LINGO2: variants seen among roughly 807,000 people sequenced by gnomAD.
LINGO2 encodes leucine-rich repeat and immunoglobulin-like domain-containing nogo receptor-interacting protein 2.
A neutral mutation model predicts 30.6 loss-of-function variants in LINGO2; 14 were observed. That is an observed-to-expected ratio of 0.46 (90% CI 0.30 to 0.72). The LOEUF (loss-of-function observed/expected upper bound fraction) is 0.72, where lower values mean the gene tolerates loss of function less well. Among genes scored for constraint, LINGO2 ranks in the 30% least tolerant of loss-of-function variants. The probability of loss-of-function intolerance (pLI) is 0.07; values close to 1 mark genes in which losing one functional copy is unlikely to be tolerated. For missense variants in LINGO2, 729 were observed against 751.7 expected (o/e 0.97, Z 0.35); for synonymous variants, 317 against 288.5 (o/e 1.10, Z -1.00).
At chr9:28,093,114 C>G (rs1166803034) in intron 4 of LINGO2, among the ~76,000 whole-genome samples, 1 of 152,028 alleles carries the variant, frequency 6.6e-6, no homozygotes, top group African/African-American at 2.4e-5. Context: ...GTGCTAATTA[C>G]CCTGGGTGCA....
intron 1 of LINGO2, among the ~76,000 whole-genome samples, chr9:28,577,252 T>C (rs1418022223): frequency 6.6e-6 from 1 of 152,164 alleles, no homozygotes; most frequent in African/African-American, 2.4e-5. Flanking sequence ...GTCACTCCTT[T>C]AAGTAACATC....
chr9:28,948,387 G>A, the LINGO2 span, among the ~76,000 whole-genome samples: 2 of 151,858 alleles, frequency 1.3e-5, no homozygotes, highest in African/African-American at 4.8e-5. Flanking sequence ...ATATTACTCT[G>A]TACCTATATA....
chr9:28,087,243 G>A (rs988674242), intron 4 of LINGO2, among the ~76,000 whole-genome samples: 4 of 152,018 alleles, frequency 2.6e-5, no homozygotes, highest in African/African-American at 9.7e-5. Context: ...CTAGATTGTT[G>A]GAAGTGCCCA....
At chr9:28,082,356 A>G (rs1825795243) in intron 4 of LINGO2, among the ~76,000 whole-genome samples, 1 of 152,134 alleles carries the variant, frequency 6.6e-6, no homozygotes, top group Non-Finnish European at 1.5e-5. Context: ...AAAATTTTCA[A>G]CATGATTACA....
At chr9:28,864,386 A>C in the LINGO2 span, among the ~76,000 whole-genome samples, 2 of 152,150 alleles carry the variant, frequency 1.3e-5, no homozygotes, top group East Asian at 3.8e-4. Flanking sequence ...TTCAACTCTG[A>C]AAGAAAACCA....
Position 28,130,106 on chromosome 9 carries a change from T to G in LINGO2, c.-86-117701A>C, listed in dbSNP as rs1458708350. On this transcript the variant is annotated intron_variant, in intron 4 of 5. Transcript: ENST00000379992. This position sits in a 1 kb window ranked among gnomAD's most constrained non-coding sequence, Gnocchi z 5.2. ...TTCAGGTAAACTCTTGGGGATTTTG[T>G]CAATTCTGACATTGATTCCCATGTG... Among the ~76,000 whole-genome samples, 2 of 152,254 alleles carry G rather than the reference T, an allele frequency of 1.3e-5. No individual in the cohort carries two copies. Among genetic ancestry groups the G allele is most frequent in the Admixed American group, 1.3e-4 (2 of 15,288 alleles).
At chr9:28,474,710 G>A (rs1299796294) in intron 2 of LINGO2, among the ~76,000 whole-genome samples, 1 of 152,182 alleles carries the variant, frequency 6.6e-6, no homozygotes, top group African/African-American at 2.4e-5. Context: ...TGGACTAGGA[G>A]ATGGAAAATC....
rs114569230 is a variant in LINGO2, at chr9:28,162,150, T to C, written c.-87+133058A>G. 4.6e-3 allele frequency among the ~76,000 whole-genome samples: 693 copies of C among 152,100 alleles called. 5 individuals carry two copies. The highest frequency in any genetic ancestry group is 0.016 in the African/African-American group (659 of 41,522). ...GCAAATGCCAGAAACCAGTACCAAA[T>C]TAGGCAGAAAGAAACTTATGAGAAA... On this transcript the variant is annotated intron_variant, in intron 4 of 5. Transcript: ENST00000379992.
chr9:28,085,872 G>A (rs1478633970), intron 4 of LINGO2, among the ~76,000 whole-genome samples: 2 of 152,064 alleles, frequency 1.3e-5, no homozygotes, highest in East Asian at 1.9e-4. Context: ...ACTTGAATTC[G>A]TGAGTGTCTA....
rs543651831 is a variant in LINGO2, at chr9:28,632,856, TTATATATA to T, written c.-365+37336_-365+37343del. Among the ~76,000 whole-genome samples, 3 of 93,652 alleles carry T rather than the reference TTATATATA, an allele frequency of 3.2e-5. 1 individual carries two copies. Among genetic ancestry groups the T allele is most frequent in the Non-Finnish European group, 5.9e-5 (3 of 50,860 alleles). The allele number at this position is 93,652 out of a possible 152,430, so 61.4% of individuals were successfully genotyped here. ...ATATATATAAATCTATATATATTTT[TTATATATA>T]TATATATATATATATGTAGAGAGAG... On this transcript the variant is annotated intron_variant, in intron 1 of 5. Coordinates refer to ENST00000379992, the Ensembl canonical transcript of LINGO2.
At chr9:28,144,977 G>T (rs1459370563) in intron 4 of LINGO2, among the ~76,000 whole-genome samples, 1 of 152,158 alleles carries the variant, frequency 6.6e-6, no homozygotes, top group African/African-American at 2.4e-5. Flanking sequence ...TTAATACCCA[G>T]TATTAAATCC....
rs1401496171 is a variant in LINGO2, at chr9:28,048,986, T to C, written c.-86-36581A>G. 2.0e-5 allele frequency among the ~76,000 whole-genome samples: 3 copies of C among 151,102 alleles called. 1 individual carries two copies. The highest frequency in any genetic ancestry group is 7.3e-5 in the African/African-American group (3 of 40,922). On this transcript the variant is annotated intron_variant, in intron 4 of 5. Coordinates refer to ENST00000379992, the Ensembl canonical transcript of LINGO2. Reference sequence around the variant, plus strand: ...AAGGCAAAAAGTACTAATAGCAGTATTAGAATTATGATTAATTTTTAAATC... The same window carrying C: ...AAGGCAAAAAGTACTAATAGCAGTACTAGAATTATGATTAATTTTTAAATC...
At chr9:28,054,176 A>G (rs1824809507) in intron 4 of LINGO2, among the ~76,000 whole-genome samples, 1 of 152,114 alleles carries the variant, frequency 6.6e-6, no homozygotes, top group African/African-American at 2.4e-5. Flanking sequence ...TACATTTATT[A>G]TAAGGCATTA....
intron 1 of LINGO2, among the ~76,000 whole-genome samples, chr9:28,563,003 C>T (rs1433236963): frequency 6.6e-6 from 1 of 152,030 alleles, no homozygotes; most frequent in Non-Finnish European, 1.5e-5. Flanking sequence ...CATGCGACCA[C>T]GCCCTGCTAA....
At chr9:28,630,909 C>A (rs2135875102) in intron 1 of LINGO2, among the ~76,000 whole-genome samples, 1 of 151,534 alleles carries the variant, frequency 6.6e-6, no homozygotes, top group East Asian at 1.9e-4. Flanking sequence ...AAAAAGTAGC[C>A]CCATGGAGAG....
the LINGO2 span, among the ~76,000 whole-genome samples, chr9:28,848,026 T>C: frequency 2.2e-5 from 1 of 45,498 alleles, no homozygotes; most frequent in African/African-American, 6.3e-5. Context: ...TACACACATA[T>C]AGACACACAC....
chr9:28,650,538 C>T lies in LINGO2; in HGVS notation c.-365+19662G>A, dbSNP rs530303073. Among the ~76,000 whole-genome samples, 22 of 152,228 alleles carry T rather than the reference C, an allele frequency of 1.4e-4. No individual in the cohort carries two copies. The East Asian group carries it at 4.3e-3, about 29-fold the overall frequency. On this transcript the variant is annotated intron_variant, in intron 1 of 5. Transcript: ENST00000379992. Reference sequence around the variant, plus strand: ...TGAGATTCAAATAAAGTCCTCACTTCCCTAGCCAAAGTCCTGTGGGAAGAT... The same window carrying T: ...TGAGATTCAAATAAAGTCCTCACTTTCCTAGCCAAAGTCCTGTGGGAAGAT...
intron 5 of LINGO2, among the ~76,000 whole-genome samples, chr9:28,007,020 A>T (rs12380156): frequency 0.063 from 9,529 of 152,176 alleles, 361 homozygotes; most frequent in Non-Finnish European, 0.087. Flanking sequence ...GACCCTTGTG[A>T]CTAGCAATGG....
At chr9:28,341,305 A>G (rs901840989) in intron 3 of LINGO2, among the ~76,000 whole-genome samples, 26 of 152,264 alleles carry the variant, frequency 1.7e-4, no homozygotes, top group African/African-American at 6.3e-4. Context: ...CACAACAGAA[A>G]GAGATGTTTT....
Sources: gnomAD v4.1 joint callset for allele counts (sites outside exome capture counted in the v4.1 genomes callset) on GRCh38, gnomAD v4.1.1 for gene constraint, Gnocchi (gnomAD v3.1) non-coding constraint, MANE v1.5 for transcripts, NCBI Gene and HGNC (gene_info 2026-07-23, HGNC 2026-07-21) for gene names.